SGCZ: variants seen among roughly 807,000 people sequenced by gnomAD.
SGCZ encodes the protein zeta-sarcoglycan.
In SGCZ, 40 loss-of-function variants were observed where a neutral mutation model predicts 41.3. The observed-to-expected ratio is 0.97, with a 90% confidence interval of 0.75 to 1.26. The LOEUF is 1.26. Among genes scored for constraint, SGCZ ranks in the 50% most tolerant of loss-of-function variants. The pLI is 0.00. For synonymous variants in SGCZ, 206 were observed against 137.5 expected (o/e 1.50, Z -3.49); for missense variants, 552 against 369.8 (o/e 1.49, Z -4.04).
chr8:15,170,804 T>G (rs917736854), intron 1 of SGCZ, among the ~76,000 whole-genome samples: 1 of 152,228 alleles, frequency 6.6e-6, no homozygotes, highest in Non-Finnish European at 1.5e-5. Flanking sequence ...AAACATCAAC[T>G]AGACTTTTGA....
At chr8:14,393,949 A>G (rs935763809) in intron 2 of SGCZ, among the ~76,000 whole-genome samples, 2 of 152,174 alleles carry the variant, frequency 1.3e-5, no homozygotes, top group African/African-American at 2.4e-5. Context: ...TTTAAAATAT[A>G]TATTCATTTC....
chr8:14,968,141 T>G (rs1294165438), intron 1 of SGCZ, among the ~76,000 whole-genome samples: 2 of 152,158 alleles, frequency 1.3e-5, no homozygotes, highest in African/African-American at 4.8e-5. Flanking sequence ...TTGACTCTAG[T>G]TTAGAGATTG....
rs190110272 is a variant in SGCZ at position 14,102,273 on chromosome 8, C to A, written c.744+103G>T. The A allele has an allele frequency of 1.9e-5, 22 of 1,188,856 alleles. No homozygotes were observed. The Admixed American group carries it at 3.7e-4, about 20-fold the overall frequency. The allele number at this position is 1,188,856 out of a possible 1,614,324, so 73.6% of individuals were successfully genotyped here. A position where few individuals can be genotyped will look rare whatever the true frequency, so the allele number is the denominator to read the frequency against. On this transcript the variant is annotated intron_variant, in intron 7 of 7. Transcript: ENST00000382080. ...AAGTTACAACTCCATTTATTTTCTA[C>A]TGAAAGATATTCCTTCACAAGTCAA...
chr8:14,150,488 A>C (rs1803667081), intron 5 of SGCZ, among the ~76,000 whole-genome samples: 1 of 152,206 alleles, frequency 6.6e-6, no homozygotes, highest in South Asian at 2.1e-4. Flanking sequence ...TTACCTGTTA[A>C]AATGGCTTTC....
intron 1 of SGCZ, among the ~76,000 whole-genome samples, chr8:14,608,734 T>C (rs973006053): frequency 3.3e-5 from 5 of 151,688 alleles, no homozygotes; most frequent in African/African-American, 1.2e-4. Flanking sequence ...CCACGGCCCA[T>C]ACACATTCTA....
chr8:14,349,537 G>C (rs767041253), intron 2 of SGCZ, among the ~76,000 whole-genome samples: 1 of 152,080 alleles, frequency 6.6e-6, no homozygotes, highest in Non-Finnish European at 1.5e-5. Context: ...AGAAGCATAT[G>C]TGTCATCTTT....
chr8:15,078,115 T>C (rs181955292), intron 1 of SGCZ, among the ~76,000 whole-genome samples: 54 of 148,452 alleles, frequency 3.6e-4, no homozygotes, highest in African/African-American at 1.2e-3. Context: ...TGATTTTCAG[T>C]GTGAGGTGAC....
chr8:14,315,798 T>C (rs1801695098), intron 3 of SGCZ, among the ~76,000 whole-genome samples: 1 of 151,122 alleles, frequency 6.6e-6, no homozygotes, highest in Admixed American at 6.6e-5. Flanking sequence ...TTTAAAAATA[T>C]AAAAATATTT....
At chr8:14,122,202 G>C (rs1443907117) in intron 5 of SGCZ, among the ~76,000 whole-genome samples, 1 of 152,162 alleles carries the variant, frequency 6.6e-6, no homozygotes, top group East Asian at 1.9e-4. Flanking sequence ...GCGTGAACCC[G>C]GGAGGTGGAG....
Position 14,809,653 on chromosome 8 carries a change from G to C in SGCZ, c.40-254727C>G, listed in dbSNP as rs191329828. 2.6e-3 allele frequency among the ~76,000 whole-genome samples: 399 copies of C among 152,152 alleles called. 5 individuals carry two copies. The highest frequency in any genetic ancestry group is 8.6e-3 in the African/African-American group (359 of 41,510). ...AATTGTCTATAGCTTAAAGTGAATG[G>C]ATTTAAGACTATCAAAATTCATGCA... On this transcript the variant is annotated intron_variant, in intron 1 of 7. Transcript: ENST00000382080.
intron 1 of SGCZ, among the ~76,000 whole-genome samples, chr8:15,011,038 A>G (rs1802809420): frequency 6.6e-6 from 1 of 151,142 alleles, no homozygotes; most frequent in African/African-American, 2.5e-5. Flanking sequence ...GAAGATTATC[A>G]GTTTTTGCAA....
At chr8:14,596,624 G>T (rs949013980) in intron 1 of SGCZ, among the ~76,000 whole-genome samples, 2 of 152,058 alleles carry the variant, frequency 1.3e-5, no homozygotes, top group Non-Finnish European at 2.9e-5. Context: ...AACACTGAAT[G>T]ATTAGTTTAG....
intron 1 of SGCZ, among the ~76,000 whole-genome samples, chr8:14,882,690 C>T (rs1172330219): frequency 2.0e-5 from 3 of 152,132 alleles, no homozygotes; most frequent in Non-Finnish European, 4.4e-5. Flanking sequence ...TTGATTACGA[C>T]AGCTCTGCTG....
At chr8:14,629,296 A>G (rs1333118088) in intron 1 of SGCZ, among the ~76,000 whole-genome samples, 1 of 151,400 alleles carries the variant, frequency 6.6e-6, no homozygotes. Flanking sequence ...TGCCCACAAA[A>G]AGTTATAGGT....
At chr8:15,031,902 C>CCTCTCTCTCTCTCTCTCTCT (rs751690018) in intron 1 of SGCZ, among the ~76,000 whole-genome samples, 6 of 130,762 alleles carry the variant, frequency 4.6e-5, no homozygotes, top group Admixed American at 7.9e-5. Context: ...CCTCTATATT[C>CCTCTCTCTCTCTCTCTCTCT]CTCTCTCTCT....
intron 1 of SGCZ, among the ~76,000 whole-genome samples, chr8:15,143,489 C>G (rs1158350885): frequency 2.6e-5 from 4 of 152,136 alleles, no homozygotes; most frequent in South Asian, 2.1e-4. Flanking sequence ...TTCTCATGCT[C>G]CAGTTTTCCA....
At chr8:14,591,926 G>T (rs1344848548) in intron 1 of SGCZ, among the ~76,000 whole-genome samples, 1 of 152,208 alleles carries the variant, frequency 6.6e-6, no homozygotes, top group African/African-American at 2.4e-5. Context: ...TACAGCCACA[G>T]GGAGGACAGC....
chr8:14,774,897 T>C (rs571070702), intron 1 of SGCZ, among the ~76,000 whole-genome samples: 1 of 152,190 alleles, frequency 6.6e-6, no homozygotes, highest in African/African-American at 2.4e-5. Context: ...ACCTTACATG[T>C]AGGTACTGGC....
chr8:14,752,228 G>T (rs1305118743), intron 1 of SGCZ, among the ~76,000 whole-genome samples: 1 of 151,138 alleles, frequency 6.6e-6, no homozygotes, highest in African/African-American at 2.4e-5. Flanking sequence ...TTTTCGCAGG[G>T]TTTTCTCTTA....
Sources: allele counts gnomAD v4.1 joint callset (sites outside exome capture counted in the v4.1 genomes callset), GRCh38; gene constraint gnomAD v4.1.1; transcripts MANE v1.5; gene names NCBI Gene and HGNC (gene_info 2026-07-23, HGNC 2026-07-21).